NF2: variants seen among roughly 807,000 people sequenced by gnomAD.
NF2 encodes the protein NF2, moesin-ezrin-radixin like (MERLIN) tumor suppressor, also known as merlin.
In NF2, 8 loss-of-function variants were observed where a neutral mutation model predicts 83.7. The observed-to-expected ratio is 0.10, with a 90% confidence interval of 0.06 to 0.17. The LOEUF is 0.17. Among genes scored for constraint, NF2 ranks in the 10% least tolerant of loss-of-function variants. The probability of loss-of-function intolerance (pLI) is 1.00; values close to 1 mark genes in which losing one functional copy is unlikely to be tolerated. For synonymous variants in NF2, 266 were observed against 269.6 expected, an observed-to-expected ratio of 0.99 and a Z score of 0.13; for missense variants, 533 against 744.4, an observed-to-expected ratio of 0.72 and a Z score of 3.31.
chr22:29,624,022 TA>T lies in NF2; in HGVS notation c.115-12728del, dbSNP rs752573862. Among the ~76,000 whole-genome samples, 3 of 152,264 alleles carry T rather than the reference TA, an allele frequency of 2.0e-5. No homozygotes were observed. In the East Asian group the frequency reaches 5.8e-4, roughly 29 times the overall value. On this transcript the variant is annotated intron_variant, in intron 1 of 15. Transcript: ENST00000338641. ...AGTGTATAGGCATGAGGAAGTCTGC[TA>T]GAGGACAGGAAGAATATTGCTTAAA...
chr22:29,667,492 C>T (rs2147047565), intron 9 of NF2, among the ~76,000 whole-genome samples: 1 of 152,116 alleles, frequency 6.6e-6, no homozygotes, highest in Admixed American at 6.5e-5. Context: ...CTGCCTGCCT[C>T]CCCTTCCCAA....
chr22:29,634,248 C>T (rs2065590773), intron 1 of NF2, among the ~76,000 whole-genome samples: 1 of 152,190 alleles, frequency 6.6e-6, no homozygotes, highest in Non-Finnish European at 1.5e-5. Context: ...TCTTGACAGT[C>T]TACGATCCTT....
rs190590507 is a variant in NF2, at chr22:29,696,625, C to T, written c.*1823C>T. 2.0e-4 allele frequency: 42 copies of T among 213,500 alleles called. No homozygotes were observed. Among genetic ancestry groups the T allele is most frequent in the Non-Finnish European group, 3.0e-4 (32 of 105,430 alleles). The allele number at this position is 213,500 out of a possible 1,614,324, so 13.2% of individuals were successfully genotyped here. A position where few individuals can be genotyped will look rare whatever the true frequency, so the allele number is the denominator to read the frequency against. On this transcript the variant is annotated 3_prime_UTR_variant, in exon 16 of 16. Coordinates refer to ENST00000338641, the MANE Select transcript of NF2 (RefSeq NM_000268.4). ...CTCGGCAACTGCTTGGGTCACCTTG[C>T]CCCAAGGAAACCAGCCCTGGGTGCC...
intron 14 of NF2, among the ~76,000 whole-genome samples, chr22:29,679,537 A>G (rs2067066269): frequency 6.6e-6 from 1 of 152,202 alleles, no homozygotes; most frequent in Non-Finnish European, 1.5e-5. Context: ...CTACTGTAAC[A>G]AAATACCAGA....
chr22:29,620,672 C>T (rs952913658), intron 1 of NF2, among the ~76,000 whole-genome samples: 1 of 151,796 alleles, frequency 6.6e-6, no homozygotes, highest in Admixed American at 6.6e-5. Context: ...TGGAGGTTGC[C>T]TGAGATTGAG....
At chr22:29,667,560 A>AT (rs1298480594) in intron 9 of NF2, among the ~76,000 whole-genome samples, 2 of 151,398 alleles carry the variant, frequency 1.3e-5, no homozygotes, top group Non-Finnish European at 2.9e-5. Flanking sequence ...AAATGTTTTG[A>AT]GTTTTTTGTG....
chr22:29,683,651 C>T, intron 15 of NF2: 1 of 1,083,040 alleles, frequency 9.2e-7, no homozygotes, highest in Non-Finnish European at 1.1e-6. Flanking sequence ...TATGTGAGTC[C>T]ACGGGGAGTG....
chr22:29,686,511 T>C (rs952154578), intron 15 of NF2, among the ~76,000 whole-genome samples: 1 of 152,174 alleles, frequency 6.6e-6, no homozygotes, highest in African/African-American at 2.4e-5. Flanking sequence ...TGGTGGCGCA[T>C]GCCTGTAAAC....
chr22:29,691,079 T>G (rs762507837), intron 15 of NF2, among the ~76,000 whole-genome samples: 1 of 152,216 alleles, frequency 6.6e-6, no homozygotes, highest in African/African-American at 2.4e-5. Flanking sequence ...AGACCCTGGT[T>G]GTACACCCTG....
chr22:29,663,852 C>T (rs555874923), intron 8 of NF2, among the ~76,000 whole-genome samples: 5 of 152,258 alleles, frequency 3.3e-5, no homozygotes, highest in South Asian at 2.1e-4. Flanking sequence ...TTGGTCTTAT[C>T]GGGAGTGGTT....
chr22:29,652,750 T>G (rs915428181), intron 4 of NF2, among the ~76,000 whole-genome samples: 1 of 152,160 alleles, frequency 6.6e-6, no homozygotes, highest in African/African-American at 2.4e-5. Context: ...ATGTGAAAGA[T>G]GTAGGATAAA....
chr22:29,683,194 A>T, intron 15 of NF2: 1 of 1,608,078 alleles, frequency 6.2e-7, no homozygotes, highest in Non-Finnish European at 8.5e-7. Context: ...GTGCCTGGGT[A>T]CTGGCCGCAG....
intron 4 of NF2, among the ~76,000 whole-genome samples, chr22:29,647,378 C>T (rs1251734074): frequency 6.6e-6 from 1 of 151,844 alleles, no homozygotes; most frequent in Non-Finnish European, 1.5e-5. Context: ...AGAGTTGAGG[C>T]TGGAGAGGTA....
At chr22:29,617,671 A>C (rs1408851024) in intron 1 of NF2, among the ~76,000 whole-genome samples, 1 of 152,238 alleles carries the variant, frequency 6.6e-6, no homozygotes, top group African/African-American at 2.4e-5. Flanking sequence ...AAAGCTTGCC[A>C]AACTTTAATT....
chr22:29,622,247 T>C lies in NF2; in HGVS notation c.115-14504T>C, dbSNP rs535408228. ...TAAACTTGCCAGTGGCTTACATTTT[T>C]GCCGGATGAATGACATGACTAACGA... On this transcript the variant is annotated intron_variant, in intron 1 of 15. Transcript: ENST00000338641. 3.3e-5 allele frequency among the ~76,000 whole-genome samples: 5 copies of C among 152,382 alleles called. No homozygotes were observed. In the South Asian group the frequency reaches 1.0e-3, roughly 32 times the overall value.
rs2146872075 is a variant in NF2 at position 29,639,173 on chromosome 22, G to A, written c.324G>A (p.Glu108=). 8 of 1,614,210 alleles carry A rather than the reference G, an allele frequency of 5.0e-6. No individual in the cohort carries two copies. Among genetic ancestry groups the A allele is most frequent in the Non-Finnish European group, 6.8e-6 (8 of 1,180,028 alleles). The change falls in exon 3 of 16, where the codon GAG becomes GAA. Residue 108 remains glutamate, a synonymous_variant. Coordinates refer to ENST00000338641, the MANE Select transcript of NF2 (RefSeq NM_000268.4). ...AKFYPENAEE[E]LVQEITQHLF... ...TTTATCCTGAGAATGCTGAAGAGGA[G>A]CTGGTTCAGGAGATCACACAACATT...
chr22:29,689,532 C>T (rs908602008), intron 15 of NF2, among the ~76,000 whole-genome samples: 13 of 151,858 alleles, frequency 8.6e-5, no homozygotes, highest in African/African-American at 2.9e-4. Flanking sequence ...AAGCAGAGAC[C>T]CAGCGCCTGG....
chr22:29,637,008 C>G, intron 2 of NF2, 132 bp downstream of exon 2: 1 of 1,356,806 alleles, frequency 7.4e-7, no homozygotes, highest in Non-Finnish European at 1.0e-6. Context: ...TGAATTAAGT[C>G]ATGCAGAAAG....
rs5763430 is a variant in NF2 at position 29,697,561 on chromosome 22, G to C, written c.*2759G>C. 2 of 177,848 alleles carry C rather than the reference G, an allele frequency of 1.1e-5. No homozygotes were observed. Among genetic ancestry groups the C allele is most frequent in the Non-Finnish European group, 2.4e-5 (2 of 83,380 alleles). 11.0% of individuals were successfully genotyped at this position (177,848 alleles called of 1,614,324 possible). A position where few individuals can be genotyped will look rare whatever the true frequency, so the allele number is the denominator to read the frequency against. Reference sequence around the variant, plus strand: ...ACTGGTTCCTGTGGCTGGGATGACTGCATCCTTTTTTTTTTTTTTTTGAGA... The same window carrying C: ...ACTGGTTCCTGTGGCTGGGATGACTCCATCCTTTTTTTTTTTTTTTTGAGA... On this transcript the variant is annotated 3_prime_UTR_variant, in exon 16 of 16. Transcript: ENST00000338641.
Sources: allele counts gnomAD v4.1 joint callset (sites outside exome capture counted in the v4.1 genomes callset), GRCh38; gene constraint gnomAD v4.1.1; transcripts MANE v1.5; gene names NCBI Gene and HGNC (gene_info 2026-07-23, HGNC 2026-07-21).